The following RNF40 variants were observed in gnomAD, a reference collection of about 807,000 sequenced individuals.
RNF40 encodes E3 ubiquitin-protein ligase BRE1B.
In RNF40, 39 loss-of-function variants were observed where a neutral mutation model predicts 123.3. The observed-to-expected ratio is 0.32, with a 90% CI of 0.24 to 0.41. RNF40 has a LOEUF of 0.41. RNF40 is among the 10% of genes least tolerant of loss of function. RNF40 has a pLI of 1.00. For synonymous variants in RNF40, 538 were observed against 526.0 expected, an observed-to-expected ratio of 1.02 and a Z score of -0.31; for missense variants, 1,003 against 1,319.9, an observed-to-expected ratio of 0.76 and a Z score of 3.72.
In RNF40 at chr16:30,768,266, C is replaced by T. The variant is rs776594950; in HGVS notation, c.1715C>T (p.Thr572Ile). 1 of 1,613,992 alleles carries T rather than the reference C, an allele frequency of 6.2e-7. No homozygotes were observed. Among genetic ancestry groups the T allele is most frequent in the Non-Finnish European group, 8.5e-7 (1 of 1,180,030 alleles). Residue 572 changes from threonine to isoleucine, a missense_variant, in exon 13 of 20, where the codon ACT becomes ATT. By Grantham distance (89) the Thr-to-Ile change is moderately conservative (BLOSUM62 -1). Transcript: ENST00000324685. The surrounding 1 kb of genome is among the most constrained non-coding windows in gnomAD (Gnocchi z 4.1). Reference sequence around the variant, plus strand: ...ATGGCTCCAGTGCCTGGCACCACCACTACTACCACTTCAGTGAAGAAGGAG... The same window carrying T: ...ATGGCTCCAGTGCCTGGCACCACCATTACTACCACTTCAGTGAAGAAGGAG... ...KEMAPVPGTT[T>I]TTTSVKKEEL... is the part of the protein sequence containing the mutation.
intron 19 of RNF40, 172 bp from the exon 20 acceptor site, chr16:30,773,766 C>T (rs1462252151): frequency 8.4e-6 from 5 of 593,616 alleles, no homozygotes; most frequent in Non-Finnish European, 1.5e-5. Flanking sequence ...AGACCTTGGC[C>T]TCTGCACCTC....
In RNF40 at chr16:30,768,760, G is replaced by A; in HGVS notation, c.2097+24G>A. ...AGGTGAGGGCAGCTGGGGCTTGTGG[G>A]GCATTCAGAAAGGCAGAGCAGAGTC... On this transcript the variant is annotated intron_variant, in intron 14 of 19. Coordinates refer to ENST00000324685, the MANE Select transcript of RNF40 (RefSeq NM_014771.4). The surrounding 1 kb of genome is among the most constrained non-coding windows in gnomAD (Gnocchi z 4.1). 6.2e-7 allele frequency: 1 copy of A among 1,613,846 alleles called. No homozygotes were observed.
chr16:30,763,452 A>G lies in RNF40; in HGVS notation c.335A>G (p.His112Arg), dbSNP rs908818600. The G allele has an allele frequency of 3.7e-6, 6 of 1,609,942 alleles. No homozygotes were observed. The Admixed American group carries it at 5.1e-5, about 14-fold the overall frequency. The change falls in exon 4 of 20, where the codon CAT becomes CGT. Residue 112 changes from histidine to arginine, a missense_variant. This residue lies in a region of RNF40 where 104 missense variants were observed against 85.2 expected (regional missense o/e 1.22). Coordinates refer to ENST00000324685, the MANE Select transcript of RNF40 (RefSeq NM_014771.4). ...ACTGTGGAAGCCCTTCTCCGATGCC[A>G]TGAGAGCCAGGGGGAGCTGTCTTCA... ...DETVEALLRC[H>R]ESQGELSSAP...
In RNF40 at chr16:30,774,396, C is replaced by T. The variant is rs2054199776; in HGVS notation, c.*282C>T. The T allele has an allele frequency of 2.6e-6, 1 of 387,348 alleles. No individual in the cohort carries two copies. The highest frequency in any genetic ancestry group is 4.2e-5 in the East Asian group (1 of 23,960). 24.0% of individuals were successfully genotyped at this position (387,348 alleles called of 1,614,324 possible). A position where few individuals can be genotyped will look rare whatever the true frequency, so the allele number is the denominator to read the frequency against. On this transcript the variant is annotated 3_prime_UTR_variant, in exon 20 of 20. Coordinates refer to ENST00000324685, the MANE Select transcript of RNF40 (RefSeq NM_014771.4). ...GAGGAGCCCAGAGCACTTGACTGAG[C>T]TTCCCGGAAACTGGCCCTAACCTGT...
At chr16:30,772,516 G>A (rs1169561078) in intron 19 of RNF40, among the ~76,000 whole-genome samples, 1 of 150,574 alleles carries the variant, frequency 6.6e-6, no homozygotes, top group East Asian at 1.9e-4. Context: ...AGGGGACTCA[G>A]GGGAGGCCCT....
Position 30,775,037 on chromosome 16 carries a change from T to C in RNF40, c.*923T>C, listed in dbSNP as rs1243837288. 3 of 456,384 alleles carry C rather than the reference T, an allele frequency of 6.6e-6. No homozygotes were observed. Among genetic ancestry groups the C allele is most frequent in the African/African-American group, 4.0e-5 (2 of 50,072 alleles). The allele number at this position is 456,384 out of a possible 1,614,324, so 28.3% of individuals were successfully genotyped here. A position where few individuals can be genotyped will look rare whatever the true frequency, so the allele number is the denominator to read the frequency against. ...TGACTGAGCCTGTGTCCTGTCTGCCTGCCCAGCCATGCTCCATCGGCTGTG... is the reference window on the plus strand; with the variant it reads ...TGACTGAGCCTGTGTCCTGTCTGCCCGCCCAGCCATGCTCCATCGGCTGTG... On this transcript the variant is annotated 3_prime_UTR_variant, in exon 20 of 20. Transcript: ENST00000324685.
In RNF40 at chr16:30,766,357, C is replaced by T. The variant is rs557404237; in HGVS notation, c.1114-22C>T. ...GAGCCCTGAATCCTGTTGCTGATCC[C>T]ATTTGGGCATCCCTGCCCCAGGTGG... On this transcript the variant is annotated intron_variant, in intron 9 of 19. Coordinates refer to ENST00000324685, the MANE Select transcript of RNF40 (RefSeq NM_014771.4). The surrounding 1 kb of genome is among the most constrained non-coding windows in gnomAD (Gnocchi z 5.4). 1 of 1,612,056 alleles carries T rather than the reference C, an allele frequency of 6.2e-7. No homozygotes were observed. Among genetic ancestry groups the T allele is most frequent in the South Asian group, 1.1e-5 (1 of 90,988 alleles).
At chr16:30,771,775 C>T (rs2054152047) in intron 17 of RNF40, 58 bp from the exon 18 acceptor site, 3 of 1,505,674 alleles carry the variant, frequency 2.0e-6, no homozygotes, top group East Asian at 2.3e-5. Flanking sequence ...GCCGTGACTC[C>T]ACATGCCTGA....
In RNF40 at chr16:30,768,221, C is replaced by A. The variant is rs1422760021; in HGVS notation, c.1670C>A (p.Thr557Asn). Residue 557 changes from threonine (T) to asparagine (N), a missense_variant, in exon 13 of 20, where the codon ACC (threonine) becomes AAC (asparagine). By Grantham distance (65) the Thr-to-Asn change is moderately conservative. Transcript: ENST00000324685. This position sits in a 1 kb window ranked among gnomAD's most constrained non-coding sequence, Gnocchi z 4.1. ...GAGGGTGGGCCAGGCCCTGTCAGTACCCCCGACAACAGAAAGGAGATGGCT... is the reference window on the plus strand; with the variant it reads ...GAGGGTGGGCCAGGCCCTGTCAGTAACCCCGACAACAGAAAGGAGATGGCT... ...KEEGGPGPVS[T>N]PDNRKEMAPV... 7 of 1,613,638 alleles carry A rather than the reference C, an allele frequency of 4.3e-6. No individual in the cohort carries two copies. The highest frequency in any genetic ancestry group is 1.1e-5 in the South Asian group (1 of 91,070).
At position 30,763,284 on chromosome 16, in the gene RNF40, A is replaced by G; in HGVS notation, c.299A>G (p.Gln100Arg). ...TLLIVNRYWA[Q>R]LDETVEALLR... ...CTCATCGTCAATCGCTACTGGGCCC[A>G]GGTGGATACCTTCTGCTTTCAAAGA... Residue 100 changes from glutamine to arginine, a missense_variant and splice_region_variant, in exon 3 of 20, where the codon CAG (glutamine) becomes CGG (arginine). Transcript: ENST00000324685. 1 of 1,614,052 alleles carries G rather than the reference A, an allele frequency of 6.2e-7. No homozygotes were observed.
chr16:30,768,896 A>G lies in RNF40; in HGVS notation c.2156A>G (p.Lys719Arg). 6.2e-7 allele frequency: 1 copy of G among 1,614,220 alleles called. No individual in the cohort carries two copies. Among genetic ancestry groups the G allele is most frequent in the Non-Finnish European group, 8.5e-7 (1 of 1,180,036 alleles). Residue 719 changes from lysine (K) to arginine (R), a missense_variant, in exon 15 of 20, where the codon AAG (lysine) becomes AGG (arginine). This residue lies in a region of RNF40 where 295 missense variants were observed against 331.7 expected (regional missense o/e 0.89). Transcript: ENST00000324685. This position sits in a 1 kb window ranked among gnomAD's most constrained non-coding sequence, Gnocchi z 4.1. ...GAGGAGAGGGATCGAAGGGAGAGCA[A>G]GAAGATCGCGGATGAGGATGCCCTG... ...ELEERDRRESKKIADEDALRR... is the reference protein window; with the variant it reads ...ELEERDRRESRKIADEDALRR...
upstream of RNF40, chr16:30,762,002 G>T (rs1596731816): frequency 3.7e-6 from 2 of 536,954 alleles, no homozygotes; most frequent in Non-Finnish European, 6.5e-6. Flanking sequence ...AAGAGAACGC[G>T]CAGATACGTG....
At position 30,763,079 on chromosome 16, in the gene RNF40, G is replaced by C. The variant is rs1411364218; in HGVS notation, c.133-39G>C. ...TCTCTGTGATTGGTTTGTGGGCCCT[G>C]CTTGACGCTCTCGTCGGCCCCTTTG... is the stretch of plus-strand genomic sequence containing the variant. On this transcript the variant is annotated intron_variant, in intron 2 of 19. Transcript: ENST00000324685. 1.9e-6 allele frequency: 3 copies of C among 1,610,686 alleles called. No individual in the cohort carries two copies. The African/African-American group carries it at 4.0e-5, about 22-fold the overall frequency.
At chr16:30,763,334 C>T (rs1229275302) in intron 3 of RNF40, 49 bp downstream of exon 3, 2 of 1,609,516 alleles carry the variant, frequency 1.2e-6, no homozygotes, top group Admixed American at 3.3e-5. Context: ...AGCTGCCAAT[C>T]CCCAGATTCC....
chr16:30,769,172 C>G lies in RNF40; in HGVS notation c.2248-14C>G. The G allele has an allele frequency of 6.2e-7, 1 of 1,613,486 alleles. No homozygotes were observed. The highest frequency in any genetic ancestry group is 8.5e-7 in the Non-Finnish European group (1 of 1,179,476). On this transcript the variant is annotated splice_polypyrimidine_tract_variant and intron_variant, in intron 15 of 19. Transcript: ENST00000324685. ...CTTCCCACGTTCCATCTTGTCTCTGCCCACTTGCTGCAGGAGGAGGAGGCT... is the reference window on the plus strand; with the variant it reads ...CTTCCCACGTTCCATCTTGTCTCTGGCCACTTGCTGCAGGAGGAGGAGGCT...
intron 4 of RNF40, 30 bp from the exon 5 acceptor site, chr16:30,764,149 T>C: frequency 6.3e-7 from 1 of 1,576,886 alleles, no homozygotes; most frequent in Non-Finnish European, 8.6e-7. Context: ...GCTGCTCTTA[T>C]CCTCATGAGG....
At chr16:30,771,373 T>C (rs2054144656) in intron 17 of RNF40, among the ~76,000 whole-genome samples, 1 of 151,914 alleles carries the variant, frequency 6.6e-6, no homozygotes, top group Non-Finnish European at 1.5e-5. Flanking sequence ...ATCCCAGCAC[T>C]TTGGGAGGCC....
chr16:30,766,044 G>A lies in RNF40; in HGVS notation c.994-119G>A. On this transcript the variant is annotated intron_variant, in intron 8 of 19. Transcript: ENST00000324685. This position sits in a 1 kb window ranked among gnomAD's most constrained non-coding sequence, Gnocchi z 5.4. Reference sequence around the variant, plus strand: ...CTTAGGAAAGTACTTGGTTTGGGGTGTCAGAATCGATCATTGCCCTGCACG... The same window carrying A: ...CTTAGGAAAGTACTTGGTTTGGGGTATCAGAATCGATCATTGCCCTGCACG... 7.1e-7 allele frequency: 1 copy of A among 1,417,608 alleles called. No individual in the cohort carries two copies. Among genetic ancestry groups the A allele is most frequent in the African/African-American group, 1.4e-5 (1 of 70,844 alleles). 87.8% of individuals were successfully genotyped at this position (1,417,608 alleles called of 1,614,324 possible).
At chr16:30,765,524 C>G (rs754218555) in intron 8 of RNF40, 25 bp downstream of exon 8, 4 of 1,602,796 alleles carry the variant, frequency 2.5e-6, no homozygotes, top group Non-Finnish European at 3.4e-6. Context: ...CCTCCCACCC[C>G]TTCTCACAAC....
Sources: gnomAD v4.1 joint callset for allele counts (sites outside exome capture counted in the v4.1 genomes callset) on GRCh38, gnomAD v4.1.1 for gene constraint, gnomAD v4.1.1 regional missense constraint, Gnocchi (gnomAD v3.1) non-coding constraint, MANE v1.5 for transcripts, NCBI Gene and HGNC (gene_info 2026-07-23, HGNC 2026-07-21) for gene names.